Variants in ARHGAP31 observed in about 807,000 individuals in gnomAD.
ARHGAP31 encodes rho GTPase-activating protein 31.
A neutral mutation model predicts 113.9 loss-of-function variants in ARHGAP31; 34 were observed. The ratio of observed to expected loss-of-function variants is 0.30; its 90% CI spans 0.23 to 0.40. The LOEUF is 0.40. ARHGAP31 is among the 10% of genes least tolerant of loss of function. The pLI, the probability that ARHGAP31 is intolerant of heterozygous loss-of-function variation, is 1.00. For missense variants in ARHGAP31, 1,548 were observed against 1,767.1 expected, an observed-to-expected ratio of 0.88 and a Z score of 2.22; for synonymous variants, 650 against 684.8, an observed-to-expected ratio of 0.95 and a Z score of 0.79.
chr3:119,353,020 A>G (rs2080123327), intron 1 of ARHGAP31, among the ~76,000 whole-genome samples: 2 of 152,268 alleles, frequency 1.3e-5, no homozygotes, highest in South Asian at 4.1e-4. Flanking sequence ...CTAGGCACTT[A>G]GATGAGCGGT....
chr3:119,327,002 A>C (rs1385791921), intron 1 of ARHGAP31, among the ~76,000 whole-genome samples: 1 of 152,090 alleles, frequency 6.6e-6, no homozygotes, highest in South Asian at 2.1e-4. Flanking sequence ...TTAGCCAGGC[A>C]TGGTGGCACG....
intron 1 of ARHGAP31, among the ~76,000 whole-genome samples, chr3:119,363,406 C>T (rs889681286): frequency 2.0e-5 from 3 of 152,174 alleles, no homozygotes; most frequent in African/African-American, 7.2e-5. Flanking sequence ...CCATCACACC[C>T]TACTCCCACG....
At chr3:119,337,467 G>A (rs541552382) in intron 1 of ARHGAP31, among the ~76,000 whole-genome samples, 1 of 152,176 alleles carries the variant, frequency 6.6e-6, no homozygotes, top group South Asian at 2.1e-4. Context: ...AACATTTACT[G>A]CAAAAAGCAA....
chr3:119,402,038 C>T lies in ARHGAP31; in HGVS notation c.1286C>T (p.Pro429Leu), dbSNP rs776509429. Residue 429 changes from proline to leucine, a missense_variant, in exon 10 of 12, where the codon CCG becomes CTG. Physicochemically the swap from Pro to Leu is moderately conservative, Grantham distance 98 (BLOSUM62 -3). Transcript: ENST00000264245. ...HLQGAQARPP[P>L]EQLKVFRPVE... Reference sequence around the variant, plus strand: ...CAGGGCGCTCAGGCCCGGCCCCCACCGGAACAGCTGAAGGTTTTCCGGCCT... The same window carrying T: ...CAGGGCGCTCAGGCCCGGCCCCCACTGGAACAGCTGAAGGTTTTCCGGCCT... 5.9e-5 allele frequency: 96 copies of T among 1,614,070 alleles called. 1 individual carries two copies. Among genetic ancestry groups the T allele is most frequent in the Middle Eastern group, 1.6e-4 (1 of 6,084 alleles).
chr3:119,342,865 C>A (rs975832318), intron 1 of ARHGAP31, among the ~76,000 whole-genome samples: 4 of 152,010 alleles, frequency 2.6e-5, no homozygotes, highest in Non-Finnish European at 5.9e-5. Flanking sequence ...AGGAGAATCG[C>A]TTGAACCCAG....
intron 1 of ARHGAP31, among the ~76,000 whole-genome samples, chr3:119,310,246 A>G (rs572265123): frequency 6.6e-6 from 1 of 152,352 alleles, no homozygotes; most frequent in South Asian, 2.1e-4. Context: ...AGAGAAAACC[A>G]GTTAGGGACT....
chr3:119,405,104 G>T (rs374816638), intron 10 of ARHGAP31, among the ~76,000 whole-genome samples: 19 of 152,262 alleles, frequency 1.2e-4, no homozygotes, highest in African/African-American at 4.1e-4. Flanking sequence ...TTTTACTAAA[G>T]AACTTACAAT....
intron 1 of ARHGAP31, among the ~76,000 whole-genome samples, chr3:119,357,696 T>G (rs2080170362): frequency 6.6e-6 from 1 of 152,228 alleles, no homozygotes; most frequent in Admixed American, 6.5e-5. Context: ...TTTTTTCCTC[T>G]TTTTCTCCTG....
intron 8 of ARHGAP31, 49 bp downstream of exon 8, chr3:119,393,640 C>A (rs2080523261): frequency 6.2e-7 from 1 of 1,608,008 alleles, no homozygotes; most frequent in Non-Finnish European, 8.5e-7. Context: ...TGTTTCCTAA[C>A]TCTGCTTATT....
At chr3:119,379,535 C>A (rs956985004) in intron 3 of ARHGAP31, among the ~76,000 whole-genome samples, 1 of 152,180 alleles carries the variant, frequency 6.6e-6, no homozygotes, top group Non-Finnish European at 1.5e-5. Flanking sequence ...GTAAGAAAAC[C>A]ATCACCACGG....
At chr3:119,372,447 T>G in intron 3 of ARHGAP31, among the ~76,000 whole-genome samples, 1 of 152,084 alleles carries the variant, frequency 6.6e-6, no homozygotes, top group Non-Finnish European at 1.5e-5. Flanking sequence ...CCACGCCCAC[T>G]AATTTTTGTA....
rs576427962 is a variant in ARHGAP31 at position 119,411,594 on chromosome 3, T to C, written c.1926+1818T>C. Among the ~76,000 whole-genome samples the C allele has an allele frequency of 9.3e-4, 141 of 152,312 alleles. 1 individual carries two copies. Among genetic ancestry groups the C allele is most frequent in the South Asian group, 2.3e-3 (11 of 4,822 alleles). On this transcript the variant is annotated intron_variant, in intron 11 of 11. Coordinates refer to ENST00000264245, the MANE Select transcript of ARHGAP31 (RefSeq NM_020754.4). ...TAAATTTATGGTTTCTCAGTATTGA[T>C]TTCTTAGTAATATCCCAGTTAATGT...
intron 1 of ARHGAP31, among the ~76,000 whole-genome samples, chr3:119,331,061 TA>T: frequency 6.6e-6 from 1 of 152,270 alleles, no homozygotes; most frequent in East Asian, 1.9e-4. Context: ...TCTTTCAGAT[TA>T]AAATGTCATT....
At chr3:119,312,719 C>T (rs2079693584) in intron 1 of ARHGAP31, among the ~76,000 whole-genome samples, 1 of 152,234 alleles carries the variant, frequency 6.6e-6, no homozygotes, top group South Asian at 2.1e-4. Context: ...ACAGATTCAT[C>T]TAATTCGGTA....
In ARHGAP31 at chr3:119,415,264, C is replaced by G; in HGVS notation, c.3335C>G (p.Ala1112Gly). 6.2e-7 allele frequency: 1 copy of G among 1,614,188 alleles called. No homozygotes were observed. Among genetic ancestry groups the G allele is most frequent in the Non-Finnish European group, 8.5e-7 (1 of 1,180,032 alleles). ...CCTTCTTCCCTCAACTTGGACCCTGCCATTCCCATTGCTGACCTCTTCTGG... is the reference window on the plus strand; with the variant it reads ...CCTTCTTCCCTCAACTTGGACCCTGGCATTCCCATTGCTGACCTCTTCTGG... ...NRPSSLNLDPAIPIADLFWFE... is the reference protein window; with the variant it reads ...NRPSSLNLDPGIPIADLFWFE... The change falls in exon 12 of 12, where the codon GCC (alanine) becomes GGC (glycine). Residue 1112 changes from alanine to glycine, a missense_variant. Transcript: ENST00000264245.
Position 119,294,467 on chromosome 3 carries a change from G to A in ARHGAP31, c.-438G>A. 2.3e-6 allele frequency: 1 copy of A among 430,006 alleles called. No homozygotes were observed. Among genetic ancestry groups the A allele is most frequent in the Non-Finnish European group, 4.0e-6 (1 of 248,540 alleles). The allele number at this position is 430,006 out of a possible 1,614,324, so 26.6% of individuals were successfully genotyped here. A position where few individuals can be genotyped will look rare whatever the true frequency, so the allele number is the denominator to read the frequency against. ...CTGAAGGCGAGACAGCGGGCCCAGG[G>A]CGCAGGACCCACCGCAGCCCCCTGG... is the stretch of plus-strand genomic sequence containing the variant. On this transcript the variant is annotated 5_prime_UTR_variant, in exon 1 of 12. Coordinates refer to ENST00000264245, the MANE Select transcript of ARHGAP31 (RefSeq NM_020754.4).
chr3:119,299,005 C>G (rs1374949104), intron 1 of ARHGAP31: 10 of 191,110 alleles, frequency 5.2e-5, no homozygotes, highest in African/African-American at 2.3e-4. Flanking sequence ...CCACCAAAGC[C>G]CTTGTAAGGA....
intron 1 of ARHGAP31, among the ~76,000 whole-genome samples, chr3:119,313,157 T>C (rs986276298): frequency 1.1e-4 from 17 of 152,332 alleles, no homozygotes; most frequent in African/African-American, 4.1e-4. Flanking sequence ...ATTATTGTTG[T>C]TTAAAATGTA....
intron 1 of ARHGAP31, among the ~76,000 whole-genome samples, chr3:119,338,824 T>A (rs367703601): frequency 2.0e-5 from 3 of 152,330 alleles, no homozygotes; most frequent in African/African-American, 7.2e-5. Context: ...AAAAATCACC[T>A]GTTCCAGATG....
Sources: allele counts gnomAD v4.1 joint callset (sites outside exome capture counted in the v4.1 genomes callset), GRCh38; gene constraint gnomAD v4.1.1; transcripts MANE v1.5; gene names NCBI Gene and HGNC (gene_info 2026-07-23, HGNC 2026-07-21).